Variants in NFIA observed in about 807,000 individuals in gnomAD.
The protein encoded by NFIA is nuclear factor 1 A-type.
A neutral mutation model predicts 62.8 loss-of-function variants in NFIA; 8 were observed. That is an observed-to-expected ratio of 0.13 (90% CI 0.07 to 0.23). NFIA has a LOEUF of 0.23. Among genes scored for constraint, NFIA ranks in the 10% least tolerant of loss-of-function variants. The probability of loss-of-function intolerance (pLI) is 1.00; values close to 1 mark genes in which losing one functional copy is unlikely to be tolerated. For synonymous variants in NFIA, 235 were observed against 238.1 expected (o/e 0.99, Z 0.12); for missense variants, 410 against 642.1 (o/e 0.64, Z 3.91).
At chr1:61,352,877 G>A (rs564679664) in intron 5 of NFIA, among the ~76,000 whole-genome samples, 4 of 152,062 alleles carry the variant, frequency 2.6e-5, no homozygotes, top group African/African-American at 9.7e-5. Flanking sequence ...CTTGTTTCCA[G>A]CTCTAAATGT....
At chr1:61,231,722 C>G (rs1654680947) in intron 2 of NFIA, among the ~76,000 whole-genome samples, 1 of 152,056 alleles carries the variant, frequency 6.6e-6, no homozygotes, top group Admixed American at 6.5e-5. Context: ...CCCAGCTACT[C>G]AGGAGGCTAA....
upstream of NFIA, chr1:61,077,439 T>G: frequency 2.3e-6 from 1 of 437,342 alleles, no homozygotes; most frequent in Non-Finnish European, 4.0e-6. Context: ...GCCTTCTGAT[T>G]TGGAGTTAAA....
At chr1:61,306,182 G>A (rs953401462) in intron 3 of NFIA, among the ~76,000 whole-genome samples, 28 of 149,986 alleles carry the variant, frequency 1.9e-4, no homozygotes, top group African/African-American at 6.8e-4. Context: ...CTTGTACTCA[G>A]CCTTTTTGCT....
At chr1:61,306,095 C>T (rs1659766603) in intron 3 of NFIA, among the ~76,000 whole-genome samples, 1 of 151,726 alleles carries the variant, frequency 6.6e-6, no homozygotes, top group Non-Finnish European at 1.5e-5. Context: ...CGTGATCCGC[C>T]CGCCTTGGCC....
chr1:61,291,062 TG>T (rs1191349678), intron 3 of NFIA, among the ~76,000 whole-genome samples: 1 of 152,194 alleles, frequency 6.6e-6, no homozygotes, highest in Non-Finnish European at 1.5e-5. Flanking sequence ...TTGTCCTTAA[TG>T]GTAAGAAGAT....
At chr1:61,112,869 T>C (rs1158466125) in intron 2 of NFIA, among the ~76,000 whole-genome samples, 1 of 152,196 alleles carries the variant, frequency 6.6e-6, no homozygotes, top group East Asian at 1.9e-4. Flanking sequence ...ACATCGTGCA[T>C]ATATGGACAT....
chr1:61,341,197 G>A (rs1001428558), intron 4 of NFIA, among the ~76,000 whole-genome samples: 2 of 151,060 alleles, frequency 1.3e-5, no homozygotes, highest in Admixed American at 6.6e-5. Flanking sequence ...CCGAGTAGCC[G>A]GGACTACAGG....
intron 2 of NFIA, among the ~76,000 whole-genome samples, chr1:61,276,914 A>C (rs534796215): frequency 6.6e-6 from 1 of 152,214 alleles, no homozygotes; most frequent in Non-Finnish European, 1.5e-5. Context: ...CAAGAAAAAA[A>C]TAATTCTTAT....
At chr1:61,199,767 G>C (rs1007910916) in intron 2 of NFIA, among the ~76,000 whole-genome samples, 2 of 151,696 alleles carry the variant, frequency 1.3e-5, no homozygotes, top group Non-Finnish European at 2.9e-5. Context: ...GGCCGAGGTA[G>C]GTGGGTCACT....
At chr1:61,442,641 A>G (rs1667636529) in intron 10 of NFIA, among the ~76,000 whole-genome samples, 1 of 152,208 alleles carries the variant, frequency 6.6e-6, no homozygotes, top group African/African-American at 2.4e-5. Flanking sequence ...CAGGGGTCCA[A>G]AGGACAGTGG....
intron 9 of NFIA, among the ~76,000 whole-genome samples, chr1:61,410,743 C>T (rs2100531686): frequency 6.6e-6 from 1 of 151,908 alleles, no homozygotes; most frequent in Non-Finnish European, 1.5e-5. Context: ...CCCATCTCTA[C>T]AAAAAATACA....
intron 2 of NFIA, among the ~76,000 whole-genome samples, chr1:61,258,684 G>A (rs1287076050): frequency 1.3e-5 from 2 of 152,004 alleles, no homozygotes; most frequent in African/African-American, 4.8e-5. Flanking sequence ...AACAGAACTT[G>A]ACTATAAACT....
rs185483256 is a variant in NFIA at position 61,303,203 on chromosome 1, G to A, written c.625+25618G>A. Among the ~76,000 whole-genome samples, 329 of 152,276 alleles carry A rather than the reference G, an allele frequency of 2.2e-3. 1 individual carries two copies. The highest frequency in any genetic ancestry group is 3.5e-3 in the Non-Finnish European group (238 of 68,038). On this transcript the variant is annotated intron_variant, in intron 3 of 10. Transcript: ENST00000403491. ...GCACAGGTCAAATGGCTTCTAAGAGGCAGAATGTAATCATTCCTTCTCTCA... is the reference window on the plus strand; with the variant it reads ...GCACAGGTCAAATGGCTTCTAAGAGACAGAATGTAATCATTCCTTCTCTCA...
chr1:61,239,419 G>T (rs1419270557), intron 2 of NFIA, among the ~76,000 whole-genome samples: 1 of 151,722 alleles, frequency 6.6e-6, no homozygotes. Context: ...CTCGTTATCG[G>T]GACTATCAGA....
chr1:61,355,609 CAG>C (rs1662899562), intron 5 of NFIA, among the ~76,000 whole-genome samples: 3 of 151,652 alleles, frequency 2.0e-5, no homozygotes, highest in African/African-American at 7.3e-5. Flanking sequence ...CCAATAGAGA[CAG>C]AGTCTCTTTC....
chr1:61,379,362 G>T (rs1664297135), intron 6 of NFIA, among the ~76,000 whole-genome samples: 1 of 145,416 alleles, frequency 6.9e-6, no homozygotes, highest in Non-Finnish European at 1.5e-5. Context: ...AGCTGGGACT[G>T]TAGGCATATA....
At chr1:61,251,457 T>G (rs1470600931) in intron 2 of NFIA, 1 of 152,186 alleles carries the variant, frequency 6.6e-6, no homozygotes, top group African/African-American at 2.4e-5. Flanking sequence ...TGCTAGACAT[T>G]CAATAAATGC....
At chr1:61,364,342 A>G (rs542188842) in intron 6 of NFIA, among the ~76,000 whole-genome samples, 1 of 152,308 alleles carries the variant, frequency 6.6e-6, no homozygotes, top group Non-Finnish European at 1.5e-5. Context: ...TATCTCTAAC[A>G]TCCATAACAG....
At chr1:61,233,274 A>G (rs1654788905) in intron 2 of NFIA, among the ~76,000 whole-genome samples, 1 of 152,226 alleles carries the variant, frequency 6.6e-6, no homozygotes, top group East Asian at 1.9e-4. Context: ...TTGTTAAGCA[A>G]GTATTTTCCC....
Sources: allele counts gnomAD v4.1 joint callset (sites outside exome capture counted in the v4.1 genomes callset), GRCh38; gene constraint gnomAD v4.1.1; transcripts MANE v1.5; gene names NCBI Gene and HGNC (gene_info 2026-07-23, HGNC 2026-07-21).